Variants in NAALADL2 observed in about 807,000 individuals in gnomAD.
NAALADL2 encodes the protein inactive N-acetylated-alpha-linked acidic dipeptidase-like protein 2.
NAALADL2 carries 76 observed loss-of-function variants against 87.2 expected under a neutral mutation model. The ratio of observed to expected loss-of-function variants is 0.87; its 90% confidence interval spans 0.72 to 1.05. The LOEUF (loss-of-function observed/expected upper bound fraction) is 1.05. Among genes scored for constraint, NAALADL2 ranks in the 50% least tolerant of loss-of-function variants. The pLI is 0.00. For synonymous variants in NAALADL2, 354 were observed against 331.0 expected, an observed-to-expected ratio of 1.07 and a Z score of -0.75; for missense variants, 1,089 against 945.8, an observed-to-expected ratio of 1.15 and a Z score of -1.99.
rs79018616 is a variant in NAALADL2 at position 175,732,182 on chromosome 3, T to C, written c.1897-5124T>C. ...GGCAAAGGGAAAGCTTCCCCTCCAC[T>C]CTCTGAAGGTTTGCTGAAAATGAAC... is the stretch of plus-strand genomic sequence containing the variant. On this transcript the variant is annotated intron_variant, in intron 11 of 13. Transcript: ENST00000454872. Among the ~76,000 whole-genome samples the C allele has an allele frequency of 4.4e-3, 674 of 152,180 alleles. 7 individuals carry two copies. The highest frequency in any genetic ancestry group is 0.016 in the African/African-American group (653 of 41,500).
At chr3:175,085,412 T>C (rs1045483979) in intron 1 of NAALADL2, among the ~76,000 whole-genome samples, 1 of 152,208 alleles carries the variant, frequency 6.6e-6, no homozygotes, top group African/African-American at 2.4e-5. Context: ...ATTTTTATTG[T>C]TATCATAATT....
At chr3:174,607,427 A>G (rs1002106442) in intron 2 of NAALADL2, among the ~76,000 whole-genome samples, 1 of 150,910 alleles carries the variant, frequency 6.6e-6, no homozygotes, top group Non-Finnish European at 1.5e-5. Context: ...AACCCATCTC[A>G]CGTGCAGAGA....
At chr3:174,899,814 G>A (rs966754570) in intron 1 of NAALADL2, among the ~76,000 whole-genome samples, 2 of 151,096 alleles carry the variant, frequency 1.3e-5, no homozygotes, top group Admixed American at 6.6e-5. Context: ...GGCCAGAAAA[G>A]AACAATAAAA....
intron 2 of NAALADL2, among the ~76,000 whole-genome samples, chr3:174,643,884 A>G (rs1020024077): frequency 3.9e-5 from 6 of 152,214 alleles, no homozygotes; most frequent in Non-Finnish European, 7.3e-5. Flanking sequence ...TAAAAAATAC[A>G]TGGAAGGAAG....
At chr3:174,909,737 A>C (rs1733447728) in intron 1 of NAALADL2, among the ~76,000 whole-genome samples, 1 of 152,116 alleles carries the variant, frequency 6.6e-6, no homozygotes, top group Non-Finnish European at 1.5e-5. Flanking sequence ...AACGAACTCT[A>C]AAAGGACTAT....
chr3:174,948,783 C>A (rs1254759705), intron 1 of NAALADL2, among the ~76,000 whole-genome samples: 1 of 152,158 alleles, frequency 6.6e-6, no homozygotes, highest in African/African-American at 2.4e-5. Flanking sequence ...TCCATTGATA[C>A]TGGTTTTAGA....
In NAALADL2 at chr3:174,803,324, G is replaced by T. The variant is rs924774524; in HGVS notation, c.-9+65578G>T. On this transcript the variant is annotated intron_variant, in intron 3 of 3. Transcript: ENST00000434257. Reference sequence around the variant, plus strand: ...ATTCTTTGCCCCACTTTTTGATGGGGTTGTTTTTTCTTGTAAATTTGTTTA... The same window carrying T: ...ATTCTTTGCCCCACTTTTTGATGGGTTTGTTTTTTCTTGTAAATTTGTTTA... 2.6e-5 allele frequency among the ~76,000 whole-genome samples: 4 copies of T among 152,050 alleles called. No homozygotes were observed. In the East Asian group the frequency reaches 7.7e-4, roughly 29 times the overall value.
intron 11 of NAALADL2, among the ~76,000 whole-genome samples, chr3:175,705,408 A>G (rs1739542559): frequency 6.6e-6 from 1 of 152,106 alleles, no homozygotes; most frequent in African/African-American, 2.4e-5. Context: ...AGATTTCAGT[A>G]TGGTATGTGC....
At chr3:175,217,866 G>A (rs2109324567) in intron 2 of NAALADL2, among the ~76,000 whole-genome samples, 1 of 152,248 alleles carries the variant, frequency 6.6e-6, no homozygotes, top group South Asian at 2.1e-4. Context: ...GTGTTTGTTA[G>A]GAACATCTAG....
At chr3:175,799,324 A>AT (rs1172017666) in intron 13 of NAALADL2, among the ~76,000 whole-genome samples, 2 of 152,038 alleles carry the variant, frequency 1.3e-5, no homozygotes, top group African/African-American at 4.8e-5. Context: ...ACAAAGCAGT[A>AT]TTTTTTACAT....
intron 1 of NAALADL2, among the ~76,000 whole-genome samples, chr3:174,969,611 A>G (rs910153208): frequency 6.6e-6 from 1 of 152,214 alleles, no homozygotes; most frequent in Non-Finnish European, 1.5e-5. Context: ...TAATAAGAGC[A>G]GAATAAATAC....
chr3:175,199,858 ATATATATTTTTTTTTTT>A (rs1273627767), intron 2 of NAALADL2, among the ~76,000 whole-genome samples: 9 of 17,704 alleles, frequency 5.1e-4, no homozygotes, highest in South Asian at 2.7e-3. Flanking sequence ...ATATATATAT[ATATATATTTTTTTTTTT>A]TTTTTTTTTT....
intron 2 of NAALADL2, among the ~76,000 whole-genome samples, chr3:174,726,902 C>G (rs899863251): frequency 6.6e-6 from 1 of 152,208 alleles, no homozygotes; most frequent in African/African-American, 2.4e-5. Context: ...TCCGTTTTAT[C>G]TCCATGCTAG....
intron 1 of NAALADL2, among the ~76,000 whole-genome samples, chr3:174,538,451 T>C (rs566044662): frequency 1.3e-5 from 2 of 152,270 alleles, no homozygotes; most frequent in South Asian, 4.1e-4. Context: ...GATACCAACA[T>C]GACAGCTGGT....
At chr3:175,245,489 T>C (rs13060681) in intron 3 of NAALADL2, among the ~76,000 whole-genome samples, 56,331 of 151,996 alleles carry the variant, frequency 0.37, 10,685 homozygotes, top group South Asian at 0.44. Context: ...GTGCATTATA[T>C]GTTAGATTGT....
At chr3:175,442,854 G>A (rs973110199) in intron 5 of NAALADL2, among the ~76,000 whole-genome samples, 1 of 152,198 alleles carries the variant, frequency 6.6e-6, no homozygotes, top group Non-Finnish European at 1.5e-5. Flanking sequence ...AAAAGTTAAA[G>A]TGCTAAAATG....
At chr3:175,309,198 T>C (rs1758051153) in intron 4 of NAALADL2, among the ~76,000 whole-genome samples, 1 of 152,180 alleles carries the variant, frequency 6.6e-6, no homozygotes, top group African/African-American at 2.4e-5. Context: ...TTTTTTTCTT[T>C]TTTTGAGACG....
chr3:175,753,482 A>T (rs2150128992), intron 12 of NAALADL2, among the ~76,000 whole-genome samples: 1 of 152,272 alleles, frequency 6.6e-6, no homozygotes, highest in East Asian at 1.9e-4. Context: ...AAAGACATTG[A>T]CATGTAAAAC....
At chr3:175,581,427 G>A (rs761492486) in intron 10 of NAALADL2, among the ~76,000 whole-genome samples, 1 of 152,304 alleles carries the variant, frequency 6.6e-6, no homozygotes, top group Middle Eastern at 3.4e-3. Flanking sequence ...GGGGGACAGC[G>A]TGAGACTCTG....
Sources: gnomAD v4.1 joint callset for allele counts (sites outside exome capture counted in the v4.1 genomes callset) on GRCh38, gnomAD v4.1.1 for gene constraint, MANE v1.5 for transcripts, NCBI Gene and HGNC (gene_info 2026-07-23, HGNC 2026-07-21) for gene names.